ROBO2: variants seen among roughly 807,000 people sequenced by gnomAD.
ROBO2 encodes roundabout homolog 2.
A neutral mutation model predicts 160.8 loss-of-function variants in ROBO2; 53 were observed. That is an observed-to-expected ratio of 0.33 (90% confidence interval 0.26 to 0.41). ROBO2 has a LOEUF of 0.41. ROBO2 is among the 10% of genes least tolerant of loss of function. The pLI is 1.00. For missense variants in ROBO2, 1,577 were observed against 1,722.4 expected, an observed-to-expected ratio of 0.92 and a Z score of 1.49; for synonymous variants, 664 against 611.7, an observed-to-expected ratio of 1.09 and a Z score of -1.26.
At chr3:76,581,936 A>G (rs1384575204) in intron 2 of ROBO2, among the ~76,000 whole-genome samples, 1 of 152,186 alleles carries the variant, frequency 6.6e-6, no homozygotes, top group Non-Finnish European at 1.5e-5. Flanking sequence ...AAATTATTAC[A>G]GTAATTGAAG....
chr3:76,149,768 C>A (rs915344403), intron 2 of ROBO2, among the ~76,000 whole-genome samples: 1 of 141,858 alleles, frequency 7.0e-6, no homozygotes, highest in East Asian at 2.0e-4. Flanking sequence ...AAGCACACAT[C>A]TGTCTAAAGC....
At chr3:77,486,173 G>A (rs2085329585) in intron 4 of ROBO2, among the ~76,000 whole-genome samples, 1 of 151,588 alleles carries the variant, frequency 6.6e-6, no homozygotes, top group Non-Finnish European at 1.5e-5. Context: ...TCTTTATTCA[G>A]TCCATGATGG....
At chr3:77,588,998 GA>G in intron 17 of ROBO2, 65 bp downstream of exon 18, 1 of 1,566,466 alleles carries the variant, frequency 6.4e-7, no homozygotes, top group Non-Finnish European at 8.8e-7. Context: ...TGAATGGAAG[GA>G]ACAGAAAGGA....
At chr3:76,915,486 C>T (rs1235848464) in intron 2 of ROBO2, among the ~76,000 whole-genome samples, 2 of 151,788 alleles carry the variant, frequency 1.3e-5, no homozygotes, top group East Asian at 3.9e-4. Flanking sequence ...CATGGTGAAA[C>T]CCTGTCTCCA....
At chr3:77,323,489 A>G (rs2065032930) in intron 2 of ROBO2, among the ~76,000 whole-genome samples, 1 of 152,184 alleles carries the variant, frequency 6.6e-6, no homozygotes, top group African/African-American at 2.4e-5. Context: ...TTAATCAAGA[A>G]AAAGAGCTTT....
intron 2 of ROBO2, among the ~76,000 whole-genome samples, chr3:76,402,891 C>G (rs185420928): frequency 6.6e-6 from 1 of 151,548 alleles, no homozygotes; most frequent in East Asian, 1.9e-4. Flanking sequence ...TCTCAAGGTC[C>G]TCAAATTTAA....
chr3:76,822,429 A>G lies in ROBO2; in HGVS notation c.110-275585A>G, dbSNP rs561133484. Among the ~76,000 whole-genome samples, 350 of 152,140 alleles carry G rather than the reference A, an allele frequency of 2.3e-3. 1 individual carries two copies. Among genetic ancestry groups the G allele is most frequent in the African/African-American group, 8.0e-3 (332 of 41,554 alleles). ...TACTATAACAATGAAAGAACTTATG[A>G]GTTTCATTTTTAGTTTATATGCTAT... On this transcript the variant is annotated intron_variant, in intron 2 of 26. Coordinates refer to the ROBO2 transcript ENST00000487694.
intron 2 of ROBO2, among the ~76,000 whole-genome samples, chr3:76,787,815 T>A (rs1162062551): frequency 6.6e-6 from 1 of 151,362 alleles, no homozygotes; most frequent in African/African-American, 2.4e-5. Context: ...ATAAGAAAAA[T>A]TAGTATATAT....
At chr3:76,463,993 G>C (rs2078233831) in intron 2 of ROBO2, among the ~76,000 whole-genome samples, 1 of 152,154 alleles carries the variant, frequency 6.6e-6, no homozygotes, top group Non-Finnish European at 1.5e-5. Flanking sequence ...GGTGAGAAGA[G>C]AGACAGAGGA....
chr3:77,596,581 A>G, intron 18 of ROBO2, 42 bp from the exon 20 acceptor site: 2 of 1,613,102 alleles, frequency 1.2e-6, no homozygotes, highest in Non-Finnish European at 1.7e-6. Flanking sequence ...AAAATCTTGC[A>G]TTGAGCTCCA....
At chr3:76,475,956 C>T (rs1345777562) in intron 2 of ROBO2, among the ~76,000 whole-genome samples, 1 of 152,096 alleles carries the variant, frequency 6.6e-6, no homozygotes, top group African/African-American at 2.4e-5. Context: ...AGTTCAAGAC[C>T]AGCCTGGCCA....
chr3:77,522,658 T>G (rs2090724615), intron 5 of ROBO2, 117 bp from the exon 6 acceptor site: 1 of 959,166 alleles, frequency 1.0e-6, no homozygotes, highest in Non-Finnish European at 1.6e-6. Flanking sequence ...GATTTGTGTG[T>G]GTGTGTATTT....
intron 2 of ROBO2, among the ~76,000 whole-genome samples, chr3:76,299,431 T>A (rs1282117122): frequency 6.6e-6 from 1 of 152,104 alleles, no homozygotes; most frequent in Non-Finnish European, 1.5e-5. Context: ...TTTAGAATGT[T>A]AAGGAAGCCA....
chr3:76,004,224 T>C (rs1039539253), intron 2 of ROBO2, among the ~76,000 whole-genome samples: 1 of 152,180 alleles, frequency 6.6e-6, no homozygotes, highest in East Asian at 1.9e-4. Flanking sequence ...TATAGACATA[T>C]GTAACAGCAT....
At position 76,102,980 on chromosome 3, in the gene ROBO2, C is replaced by T. The variant is rs141124592; in HGVS notation, c.109+165378C>T. Among the ~76,000 whole-genome samples, 851 of 152,138 alleles carry T rather than the reference C, an allele frequency of 5.6e-3. 11 individuals carry two copies. The highest frequency in any genetic ancestry group is 0.02 in the African/African-American group (810 of 41,506). On this transcript the variant is annotated intron_variant, in intron 2 of 26. Coordinates refer to the ROBO2 transcript ENST00000487694. Reference sequence around the variant, plus strand: ...GCTGGGACTGCAGGCGCCGCCACCACGCCTGGATAATTTTTTGCATTTTTA... The same window carrying T: ...GCTGGGACTGCAGGCGCCGCCACCATGCCTGGATAATTTTTTGCATTTTTA...
intron 2 of ROBO2, among the ~76,000 whole-genome samples, chr3:76,465,904 A>C (rs2106905133): frequency 6.6e-6 from 1 of 152,044 alleles, no homozygotes; most frequent in South Asian, 2.1e-4. Context: ...ATAAGCAAAG[A>C]CAAAAAAACA....
intron 2 of ROBO2, among the ~76,000 whole-genome samples, chr3:76,113,243 T>A (rs768756254): frequency 1.3e-5 from 2 of 152,120 alleles, no homozygotes; most frequent in Non-Finnish European, 2.9e-5. Flanking sequence ...GTAGGAAAGA[T>A]TAACAGAGGC....
intron 2 of ROBO2, among the ~76,000 whole-genome samples, chr3:77,003,113 G>T (rs1422258623): frequency 6.6e-6 from 1 of 152,086 alleles, no homozygotes; most frequent in Admixed American, 6.6e-5. Context: ...TGTGAATATA[G>T]TCAATGCATA....
At chr3:76,721,158 G>C (rs1437737103) in intron 2 of ROBO2, among the ~76,000 whole-genome samples, 1 of 152,158 alleles carries the variant, frequency 6.6e-6, no homozygotes, top group Non-Finnish European at 1.5e-5. Context: ...GTAATCTCAA[G>C]TTTATTGATG....
Sources: gnomAD v4.1 joint callset for allele counts (sites outside exome capture counted in the v4.1 genomes callset) on GRCh38, gnomAD v4.1.1 for gene constraint, MANE v1.5 for transcripts, NCBI Gene and HGNC (gene_info 2026-07-23, HGNC 2026-07-21) for gene names.